The following SLC16A14 variants were observed in gnomAD, a reference collection of about 807,000 sequenced individuals.
SLC16A14 encodes the protein solute carrier family 16 member 14.
A neutral mutation model predicts 35.8 loss-of-function variants in SLC16A14; 14 were observed. The observed-to-expected ratio is 0.39, with a 90% CI of 0.26 to 0.61. The LOEUF is 0.61. Among genes scored for constraint, SLC16A14 ranks in the 20% least tolerant of loss-of-function variants. SLC16A14 has a pLI of 0.51. For missense variants in SLC16A14, 533 were observed against 655.0 expected, an observed-to-expected ratio of 0.81 and a Z score of 2.03; for synonymous variants, 248 against 258.9, an observed-to-expected ratio of 0.96 and a Z score of 0.40.
intron 1 of SLC16A14, among the ~76,000 whole-genome samples, chr2:230,062,809 G>A (rs2077761562): frequency 6.6e-6 from 1 of 152,102 alleles, no homozygotes; most frequent in Admixed American, 6.6e-5. Flanking sequence ...CTTTCTTTCT[G>A]TCACACCTTG....
In SLC16A14 at chr2:230,038,508, T is replaced by C. The variant is rs953196070; in HGVS notation, c.1382-977A>G. Among the ~76,000 whole-genome samples, 3 of 152,190 alleles carry C rather than the reference T, an allele frequency of 2.0e-5. No individual in the cohort carries two copies. Among genetic ancestry groups the C allele is most frequent in the Admixed American group, 6.5e-5 (1 of 15,274 alleles). On this transcript the variant is annotated intron_variant, in intron 4 of 4. Coordinates refer to ENST00000295190, the MANE Select transcript of SLC16A14 (RefSeq NM_152527.5). This position sits in a 1 kb window ranked among gnomAD's most constrained non-coding sequence, Gnocchi z 4.4. The stretch of plus-strand genomic sequence containing the variant: ...TAGTCAACTACGCAAACTGAGAGGA[T>C]TGAGTTACACACAAGAGTTTTATTT...
chr2:230,052,841 A>G (rs747388105), intron 2 of SLC16A14, among the ~76,000 whole-genome samples: 4 of 140,406 alleles, frequency 2.8e-5, no homozygotes, highest in Non-Finnish European at 6.1e-5. Context: ...CTCCATGGTT[A>G]TAAAATATAT....
chr2:230,056,278 G>A (rs1327584258), intron 2 of SLC16A14, among the ~76,000 whole-genome samples: 1 of 124,602 alleles, frequency 8.0e-6, no homozygotes, highest in East Asian at 2.3e-4. Flanking sequence ...TTTTTGAGAC[G>A]TAGTCTCACT....
At chr2:230,045,714 C>T (rs1428780341) in intron 4 of SLC16A14, 31 bp downstream of exon 4, 1 of 1,613,684 alleles carries the variant, frequency 6.2e-7, no homozygotes, top group Non-Finnish European at 8.5e-7. Context: ...TGTACATGCA[C>T]TCTGAGCTCT....
At chr2:230,053,956 C>T (rs2077682707) in intron 2 of SLC16A14, among the ~76,000 whole-genome samples, 2 of 152,064 alleles carry the variant, frequency 1.3e-5, no homozygotes, top group South Asian at 4.2e-4. Context: ...CTTAGGGTAA[C>T]CCCTCACCAT....
chr2:230,058,286 A>G (rs1472428031), intron 2 of SLC16A14: 1 of 151,980 alleles, frequency 6.6e-6, no homozygotes, highest in Non-Finnish European at 1.5e-5. Flanking sequence ...TGACACTAAT[A>G]TTAATAAGTT....
intron 4 of SLC16A14, among the ~76,000 whole-genome samples, chr2:230,045,387 C>T (rs2077595918): frequency 6.6e-6 from 1 of 152,096 alleles, no homozygotes. Context: ...GTGAAACCCC[C>T]ATGTCTACCA....
rs1233982287 is a variant in SLC16A14 at position 230,035,564 on chromosome 2, A to G, written c.*1816T>C. 6.6e-6 allele frequency: 1 copy of G among 152,522 alleles called. No homozygotes were observed. Among genetic ancestry groups the G allele is most frequent in the Non-Finnish European group, 1.5e-5 (1 of 68,040 alleles). 9.4% of individuals were successfully genotyped at this position (152,522 alleles called of 1,614,324 possible). ...GAGGAGGGAGCATTGCCTCAGCTTT[A>G]AGATTATCTTTATCAAAATAGAGAG... On this transcript the variant is annotated 3_prime_UTR_variant, in exon 5 of 5. Coordinates refer to ENST00000295190, the MANE Select transcript of SLC16A14 (RefSeq NM_152527.5).
chr2:230,057,472 A>T (rs56117406), intron 2 of SLC16A14, among the ~76,000 whole-genome samples: 72,939 of 151,938 alleles, frequency 0.48, 18,141 homozygotes, highest in African/African-American at 0.57. Context: ...ACAATTTTTT[A>T]AAAAAAGAAA....
At chr2:230,041,006 GGGATTCTTGGCAACCCT>G (rs1235977942) in intron 4 of SLC16A14, among the ~76,000 whole-genome samples, 15 of 152,092 alleles carry the variant, frequency 9.9e-5, no homozygotes, top group Admixed American at 2.6e-4. Flanking sequence ...TTTGGAACCC[GGGATTCTTGGCAACCCT>G]GGATTCTTGG....
intron 1 of SLC16A14, among the ~76,000 whole-genome samples, chr2:230,067,552 C>G (rs913619937): frequency 3.4e-5 from 5 of 146,390 alleles, no homozygotes; most frequent in African/African-American, 1.3e-4. Flanking sequence ...CTCTCTCTCT[C>G]TCTCTCTCTC....
rs867081657 is a variant in SLC16A14 at position 230,037,073 on chromosome 2, C to G, written c.*307G>C. ...GTTTTTAAAAGCTGTATTTAAAACC[C>G]TAGTCCCAGTAGATGACAAGAGAAT... On this transcript the variant is annotated 3_prime_UTR_variant, in exon 5 of 5. Coordinates refer to ENST00000295190, the MANE Select transcript of SLC16A14 (RefSeq NM_152527.5). The G allele has an allele frequency of 1.1e-5, 2 of 182,666 alleles. No homozygotes were observed. The highest frequency in any genetic ancestry group is 1.2e-4 in the Admixed American group (2 of 16,420). 11.3% of individuals were successfully genotyped at this position (182,666 alleles called of 1,614,324 possible). A position where few individuals can be genotyped will look rare whatever the true frequency, so the allele number is the denominator to read the frequency against.
At chr2:230,051,285 C>G (rs552958866) in intron 2 of SLC16A14, among the ~76,000 whole-genome samples, 10 of 152,260 alleles carry the variant, frequency 6.6e-5, no homozygotes, top group Non-Finnish European at 1.2e-4. Flanking sequence ...TCTCAGCCTC[C>G]TAAGTAGCTG....
intron 1 of SLC16A14, among the ~76,000 whole-genome samples, chr2:230,064,288 C>CTGTGTGTGTGTGTGTGTGTGTGTATG (rs2077773885): frequency 6.7e-6 from 1 of 149,582 alleles, no homozygotes. Context: ...TCAGCCTTGT[C>CTGTGTGTGTGTGTGTGTGTGTGTATG]TGTGTGTGTG....
At chr2:230,050,503 T>C (rs1055876489) in intron 2 of SLC16A14, among the ~76,000 whole-genome samples, 8 of 152,234 alleles carry the variant, frequency 5.3e-5, no homozygotes, top group South Asian at 2.1e-4. Context: ...AAATGTATTA[T>C]GTATAATGAG....
intron 1 of SLC16A14, chr2:230,067,153 A>AT (rs1367729434): frequency 6.5e-6 from 1 of 154,032 alleles, no homozygotes; most frequent in Non-Finnish European, 1.4e-5. Context: ...TGTACAGGGC[A>AT]TTTGGGGCCT....
At chr2:230,045,099 G>T (rs2077593227) in intron 4 of SLC16A14, among the ~76,000 whole-genome samples, 1 of 152,166 alleles carries the variant, frequency 6.6e-6, no homozygotes, top group Non-Finnish European at 1.5e-5. Flanking sequence ...ATTTCTTGGT[G>T]ACAAAAATCA....
chr2:230,044,477 CAA>C (rs34590061), intron 4 of SLC16A14, among the ~76,000 whole-genome samples: 7 of 134,512 alleles, frequency 5.2e-5, no homozygotes, highest in Admixed American at 7.5e-5. Flanking sequence ...GATTCCGTCT[CAA>C]AAAAAAAAAA....
chr2:230,059,291 G>GCCT lies in SLC16A14; in HGVS notation c.61_62insAGG (p.Thr21delinsLysAla), dbSNP rs757587648. On this transcript the variant is annotated protein_altering_variant, in exon 2 of 5. Transcript: ENST00000295190. ...ATCAATGTTTGGGTGGGGCTTCAGT[G>GCCT]TCTTTTTGTCTTTGGGGCCATCTTC... The GCCT allele has an allele frequency of 3.5e-5, 57 of 1,612,756 alleles. No homozygotes were observed. The highest frequency in any genetic ancestry group is 4.7e-5 in the Non-Finnish European group (55 of 1,179,104).
Sources: allele counts gnomAD v4.1 joint callset (sites outside exome capture counted in the v4.1 genomes callset), GRCh38; gene constraint gnomAD v4.1.1; non-coding constraint Gnocchi (gnomAD v3.1); transcripts MANE v1.5; gene names NCBI Gene and HGNC (gene_info 2026-07-23, HGNC 2026-07-21).